Variants in NQO2 observed in about 807,000 individuals in gnomAD.
NQO2 encodes the protein ribosyldihydronicotinamide dehydrogenase [quinone].
Under a neutral mutation model 22.0 loss-of-function variants are expected in NQO2, and 18 were observed. That is an observed-to-expected ratio of 0.82 (90% CI 0.56 to 1.21). The LOEUF is 1.21. Among genes scored for constraint, NQO2 ranks in the 50% most tolerant of loss-of-function variants. The probability of loss-of-function intolerance (pLI) is 0.00; values close to 1 mark genes in which losing one functional copy is unlikely to be tolerated. For synonymous variants in NQO2, 106 were observed against 110.8 expected (o/e 0.96, Z 0.28); for missense variants, 267 against 286.9 (o/e 0.93, Z 0.50).
At chr6:3,018,707 A>G (rs1757424982) in intron 6 of NQO2, among the ~76,000 whole-genome samples, 1 of 152,130 alleles carries the variant, frequency 6.6e-6, no homozygotes, top group Non-Finnish European at 1.5e-5. Flanking sequence ...AAAGTACGTG[A>G]TTCCAGTTAC....
rs1461018675 is a variant in NQO2 at position 3,006,079 on chromosome 6, G to A, written c.-85-389G>A. On this transcript the variant is annotated intron_variant, in intron 1 of 6. Transcript: ENST00000380455. The surrounding 1 kb of genome is among the most constrained non-coding windows in gnomAD (Gnocchi z 4.0). ...GGCCCACCAGAGTCTGGCACCAGCC[G>A]AGGAGTGCACGCACCCATTGGTGGT... 1.3e-5 allele frequency among the ~76,000 whole-genome samples: 2 copies of A among 152,190 alleles called. No individual in the cohort carries two copies. Among genetic ancestry groups the A allele is most frequent in the African/African-American group, 2.4e-5 (1 of 41,454 alleles).
At chr6:3,009,798 C>T (rs1380728796) in intron 2 of NQO2, 1 of 306,534 alleles carries the variant, frequency 3.3e-6, no homozygotes, top group Non-Finnish European at 4.8e-6. Context: ...ACCTGGGAGG[C>T]AGAGGTTGCA....
chr6:3,019,403 C>A, intron 6 of NQO2, 76 bp from the exon 7 acceptor site: 2 of 1,493,722 alleles, frequency 1.3e-6, no homozygotes, highest in African/African-American at 1.4e-5. Context: ...ACCATTTCCC[C>A]CCTTAAATCA....
At chr6:3,016,642 C>G in intron 5 of NQO2, 1 of 583,206 alleles carries the variant, frequency 1.7e-6, no homozygotes, top group Non-Finnish European at 2.2e-6. Flanking sequence ...AACCAGGTTT[C>G]CACCAGCAAC....
chr6:3,005,854 G>A, intron 1 of NQO2: 1 of 966,122 alleles, frequency 1.0e-6, no homozygotes, highest in Non-Finnish European at 1.2e-6. Context: ...ACAGAGGGGT[G>A]GAGGGATGTG....
At chr6:3,015,448 A>C in intron 4 of NQO2, 82 bp from the exon 5 acceptor site, 1 of 1,531,308 alleles carries the variant, frequency 6.5e-7, no homozygotes, top group African/African-American at 1.4e-5. Context: ...TGTGGGCTTC[A>C]TTCCGAATCA....
intron 6 of NQO2, 59 bp downstream of exon 6, chr6:3,017,044 A>C (rs535726554): frequency 1.9e-6 from 3 of 1,576,816 alleles, no homozygotes; most frequent in Admixed American, 3.6e-5. Flanking sequence ...AGACACACAC[A>C]TGCACACATG....
intron 1 of NQO2, among the ~76,000 whole-genome samples, chr6:3,001,151 A>G (rs1345855606): frequency 2.9e-5 from 4 of 138,924 alleles, no homozygotes; most frequent in South Asian, 4.5e-4. Context: ...GTGCAATGGC[A>G]CAATCTCAGC....
intron 1 of NQO2, among the ~76,000 whole-genome samples, chr6:3,005,440 G>T (rs563569228): frequency 6.6e-6 from 1 of 152,150 alleles, no homozygotes; most frequent in Non-Finnish European, 1.5e-5. Context: ...CCATTCTAAT[G>T]CGTGTGATAT....
Position 3,006,360 on chromosome 6 carries a change from C to T in NQO2, c.-85-108C>T. 1 of 1,412,150 alleles carries T rather than the reference C, an allele frequency of 7.1e-7. No individual in the cohort carries two copies. Among genetic ancestry groups the T allele is most frequent in the Non-Finnish European group, 9.2e-7 (1 of 1,082,394 alleles). The allele number at this position is 1,412,150 out of a possible 1,614,324, so 87.5% of individuals were successfully genotyped here. A position where few individuals can be genotyped will look rare whatever the true frequency, so the allele number is the denominator to read the frequency against. On this transcript the variant is annotated intron_variant, in intron 1 of 6. Transcript: ENST00000380455. The surrounding 1 kb of genome is among the most constrained non-coding windows in gnomAD (Gnocchi z 4.0). The stretch of plus-strand genomic sequence containing the variant: ...CTGGCCTCTCTTGAGAGGTCTTTCT[C>T]TGATGTGTTTGCGTGTCTGTCAGGA...
chr6:3,012,271 T>C, intron 3 of NQO2: 2 of 510,776 alleles, frequency 3.9e-6, no homozygotes, highest in Non-Finnish European at 5.1e-6. Context: ...TGCTCTCTGG[T>C]AAATTGGGAA....
intron 1 of NQO2, among the ~76,000 whole-genome samples, chr6:3,001,306 G>A (rs28383596): frequency 0.013 from 2,041 of 152,114 alleles, 27 homozygotes; most frequent in South Asian, 0.031. Flanking sequence ...AGTCAGGCTG[G>A]TCTCAAACTC....
chr6:3,014,476 C>G (rs1221107906), intron 4 of NQO2, among the ~76,000 whole-genome samples: 1 of 152,176 alleles, frequency 6.6e-6, no homozygotes, highest in African/African-American at 2.4e-5. Context: ...TCTCCTGTCC[C>G]CCTTGGGTCG....
chr6:3,019,362 T>A, intron 6 of NQO2, 117 bp from the exon 7 acceptor site: 1 of 1,453,502 alleles, frequency 6.9e-7, no homozygotes, highest in Non-Finnish European at 9.1e-7. Context: ...ACATTAAGGT[T>A]GTTTCATGAT....
chr6:3,014,309 C>A (rs900057600), intron 4 of NQO2, among the ~76,000 whole-genome samples: 21 of 152,184 alleles, frequency 1.4e-4, no homozygotes, highest in Admixed American at 1.4e-3. Context: ...AAGTGCAGGA[C>A]GTCCTTTGTC....
Position 3,006,199 on chromosome 6 carries a change from C to T in NQO2, c.-85-269C>T. ...AGGAGGCTCAACTCCTGCTTCCTAC[C>T]GTGGCTCATTTCCTGGGTCCTTTGC... On this transcript the variant is annotated intron_variant, in intron 1 of 6. Coordinates refer to ENST00000380455, the MANE Select transcript of NQO2 (RefSeq NM_000904.6). This position sits in a 1 kb window ranked among gnomAD's most constrained non-coding sequence, Gnocchi z 4.0. 7.9e-6 allele frequency: 3 copies of T among 378,086 alleles called. No individual in the cohort carries two copies. The highest frequency in any genetic ancestry group is 1.1e-5 in the Non-Finnish European group (3 of 275,008). The allele number at this position is 378,086 out of a possible 1,614,324, so 23.4% of individuals were successfully genotyped here. A position where few individuals can be genotyped will look rare whatever the true frequency, so the allele number is the denominator to read the frequency against.
chr6:3,016,825 A>G (rs2113463360), intron 5 of NQO2, 59 bp from the exon 6 acceptor site: 1 of 1,594,342 alleles, frequency 6.3e-7, no homozygotes, highest in Non-Finnish European at 8.5e-7. Context: ...CTGGAGGCTC[A>G]GCAACATTTC....
intron 4 of NQO2, among the ~76,000 whole-genome samples, chr6:3,013,004 G>T (rs1444185191): frequency 8.1e-6 from 1 of 124,178 alleles, no homozygotes; most frequent in African/African-American, 3.0e-5. Flanking sequence ...CGCCCAGGCT[G>T]GAGTGCAGTG....
chr6:3,006,629 T>G lies in NQO2; in HGVS notation c.7+70T>G. 1.3e-6 allele frequency: 2 copies of G among 1,483,500 alleles called. No individual in the cohort carries two copies. The highest frequency in any genetic ancestry group is 1.8e-6 in the Non-Finnish European group (2 of 1,105,744). The allele number at this position is 1,483,500 out of a possible 1,614,324, so 91.9% of individuals were successfully genotyped here. A position where few individuals can be genotyped will look rare whatever the true frequency, so the allele number is the denominator to read the frequency against. ...TGGGATTTTGTTGTATTGCCCAGGC[T>G]GGTCTCAAACTCCTGAGCTCAAGTG... On this transcript the variant is annotated intron_variant, in intron 2 of 6. Transcript: ENST00000380455. The surrounding 1 kb of genome is among the most constrained non-coding windows in gnomAD (Gnocchi z 4.0).
Sources: gnomAD v4.1 joint callset for allele counts (sites outside exome capture counted in the v4.1 genomes callset) on GRCh38, gnomAD v4.1.1 for gene constraint, Gnocchi (gnomAD v3.1) non-coding constraint, MANE v1.5 for transcripts, NCBI Gene and HGNC (gene_info 2026-07-23, HGNC 2026-07-21) for gene names.